The following TTC23L variants were observed in gnomAD, a reference collection of about 807,000 sequenced individuals.
TTC23L encodes tetratricopeptide repeat domain 23 like, also known as tetratricopeptide repeat protein 23-like.
A neutral mutation model predicts 48.1 loss-of-function variants in TTC23L; 42 were observed. The observed-to-expected ratio is 0.87, with a 90% CI of 0.68 to 1.13. The LOEUF (loss-of-function observed/expected upper bound fraction) is 1.13, where lower values mean the gene tolerates loss of function less well. Among genes scored for constraint, TTC23L ranks in the 50% most tolerant of loss-of-function variants. The probability of loss-of-function intolerance (pLI) is 0.00; values close to 1 mark genes in which losing one functional copy is unlikely to be tolerated. For missense variants in TTC23L, 391 were observed against 421.0 expected, an observed-to-expected ratio of 0.93 and a Z score of 0.62; for synonymous variants, 159 against 157.2, an observed-to-expected ratio of 1.01 and a Z score of -0.09.
the TTC23L span, chr5:34,923,164 G>A: frequency 6.2e-7 from 1 of 1,614,076 alleles, no homozygotes; most frequent in Non-Finnish European, 8.5e-7. Flanking sequence ...CATCCCAAAA[G>A]CCAACCATTT....
At chr5:34,857,746 G>C (rs1377697585) in intron 4 of TTC23L, among the ~76,000 whole-genome samples, 1 of 151,914 alleles carries the variant, frequency 6.6e-6, no homozygotes. Context: ...AACTCTACAG[G>C]ATATATTTTC....
At chr5:34,850,099 A>T (rs2150360517) in intron 3 of TTC23L, 86 bp from the exon 4 acceptor site, 1 of 1,455,892 alleles carries the variant, frequency 6.9e-7, no homozygotes, top group South Asian at 1.2e-5. Flanking sequence ...TGACAGGTGA[A>T]TTCAGTCCTG....
intron 7 of TTC23L, 165 bp from the exon 8 acceptor site, chr5:34,868,740 A>C (rs1385325180): frequency 1.3e-5 from 8 of 611,906 alleles, no homozygotes; most frequent in African/African-American, 1.8e-5. Context: ...CCCAAACCCT[A>C]ATCAGTGGGA....
intron 3 of TTC23L, among the ~76,000 whole-genome samples, chr5:34,846,600 T>TATATATATATATATATATAC (rs61009546): frequency 1.1e-3 from 98 of 92,878 alleles, no homozygotes; most frequent in Admixed American, 1.5e-3. Context: ...TATATATATA[T>TATATATATATATATATATAC]ACACACACAT....
At chr5:34,889,063 C>T (rs1194878076) in intron 9 of TTC23L, among the ~76,000 whole-genome samples, 1 of 152,082 alleles carries the variant, frequency 6.6e-6, no homozygotes, top group African/African-American at 2.4e-5. Flanking sequence ...TTAACCTTGA[C>T]GTTATCAATG....
At chr5:34,918,470 A>G in the TTC23L span, 1 of 1,586,150 alleles carries the variant, frequency 6.3e-7, no homozygotes, top group East Asian at 2.3e-5. Flanking sequence ...CCTCATTCTA[A>G]AGCAGGTGCC....
chr5:34,908,489 T>TA, the TTC23L span: 2 of 246,992 alleles, frequency 8.1e-6, no homozygotes, highest in Non-Finnish European at 1.5e-5. Flanking sequence ...CTTGAAATGT[T>TA]ACGCTGACTC....
intron 9 of TTC23L, among the ~76,000 whole-genome samples, chr5:34,892,080 T>C (rs1762901709): frequency 6.6e-6 from 1 of 152,218 alleles, no homozygotes; most frequent in Admixed American, 6.5e-5. Context: ...TGGGGGTAAC[T>C]GCCAAAGCCA....
intron 8 of TTC23L, 134 bp from the exon 9 acceptor site, chr5:34,880,047 A>T: frequency 1.9e-6 from 2 of 1,052,066 alleles, no homozygotes; most frequent in Non-Finnish European, 2.7e-6. Flanking sequence ...TTAGACTTTT[A>T]AAGAGTCCTT....
At chr5:34,886,420 G>T (rs114631462) in intron 9 of TTC23L, among the ~76,000 whole-genome samples, 4 of 149,962 alleles carry the variant, frequency 2.7e-5, no homozygotes, top group African/African-American at 9.8e-5. Flanking sequence ...ACTGCTAAAG[G>T]CTTCATTAAA....
chr5:34,902,377 T>C (rs1429326577), downstream of TTC23L: 26 of 379,638 alleles, frequency 6.8e-5, no homozygotes, highest in Admixed American at 3.4e-4. Context: ...GATTGTGCCA[T>C]TGCAGTCCAG....
At chr5:34,847,112 A>G (rs1016575077) in intron 3 of TTC23L, among the ~76,000 whole-genome samples, 1 of 152,144 alleles carries the variant, frequency 6.6e-6, no homozygotes, top group African/African-American at 2.4e-5. Flanking sequence ...CTCCTAGCCA[A>G]GGGGAAAAAA....
chr5:34,844,937 A>C (rs1431869430), intron 2 of TTC23L, among the ~76,000 whole-genome samples: 2 of 152,188 alleles, frequency 1.3e-5, no homozygotes, highest in African/African-American at 2.4e-5. Flanking sequence ...GAAGACATGC[A>C]AAGTCCAGCC....
At chr5:34,917,478 A>C in the TTC23L span, among the ~76,000 whole-genome samples, 2 of 143,034 alleles carry the variant, frequency 1.4e-5, no homozygotes, top group Non-Finnish European at 1.5e-5. Context: ...CTAACACTAC[A>C]AAAAAAAAAA....
intron 7 of TTC23L, chr5:34,867,312 T>G: frequency 1.9e-6 from 1 of 535,626 alleles, no homozygotes; most frequent in Non-Finnish European, 3.4e-6. Context: ...CACTTCCCCC[T>G]CCCCCTCTTA....
the TTC23L span, chr5:34,915,520 A>G: frequency 6.1e-6 from 3 of 495,604 alleles, no homozygotes. Context: ...CAGTCCCGCC[A>G]CTCTTCAGAC....
chr5:34,860,012 T>C (rs1760470220), intron 4 of TTC23L, among the ~76,000 whole-genome samples: 1 of 151,602 alleles, frequency 6.6e-6, no homozygotes, highest in Non-Finnish European at 1.5e-5. Flanking sequence ...CCTGGCTAAT[T>C]TTTTGTATTT....
the TTC23L span, chr5:34,925,340 A>G: frequency 6.2e-7 from 1 of 1,613,954 alleles, no homozygotes; most frequent in Non-Finnish European, 8.5e-7. Flanking sequence ...ACATGATCCC[A>G]CTGCAGATGT....
chr5:34,922,817 G>A, the TTC23L span: 1 of 1,503,750 alleles, frequency 6.7e-7, no homozygotes, highest in Non-Finnish European at 9.2e-7. Context: ...ATCTGGCATG[G>A]TTGTTTTTAG....
Sources: gnomAD v4.1 joint callset for allele counts (sites outside exome capture counted in the v4.1 genomes callset) on GRCh38, gnomAD v4.1.1 for gene constraint, MANE v1.5 for transcripts, NCBI Gene and HGNC (gene_info 2026-07-23, HGNC 2026-07-21) for gene names.